The following SYNE1 variants were observed in gnomAD, a reference collection of about 807,000 sequenced individuals.
The protein encoded by SYNE1 is nesprin-1.
A neutral mutation model predicts 1,111.0 loss-of-function variants in SYNE1; 616 were observed. The ratio of observed to expected loss-of-function variants is 0.55; its 90% CI spans 0.52 to 0.59. The LOEUF is 0.59. Among genes scored for constraint, SYNE1 ranks in the 20% least tolerant of loss-of-function variants. SYNE1 has a pLI of 0.00. For synonymous variants in SYNE1, 3,855 were observed against 3,825.8 expected (o/e 1.01, Z -0.28); for missense variants, 10,006 against 10,417.0 (o/e 0.96, Z 1.72).
intron 59 of SYNE1, among the ~76,000 whole-genome samples, chr6:152,372,780 G>A (rs2097211035): frequency 6.6e-6 from 1 of 152,220 alleles, no homozygotes. Context: ...AAAACTGGCT[G>A]TTCCTGCTGG....
intron 128 of SYNE1, among the ~76,000 whole-genome samples, chr6:152,183,143 G>T (rs902365251): frequency 6.6e-6 from 1 of 152,140 alleles, no homozygotes; most frequent in Non-Finnish European, 1.5e-5. Flanking sequence ...TGAGAGCCGC[G>T]TGCACTCTGA....
rs1172720773 is a variant in SYNE1, at chr6:152,450,760, T to C, written c.3260A>G (p.Lys1087Arg). ...CCTTACTGGGTCCCGCACTGGGAGT[T>C]TCACACAGAGTTCCTCGATGAGCTG... is the stretch of plus-strand genomic sequence containing the variant. Reference protein sequence around the residue: ...RLQLIEELCVKLPVRDPVRDT... With the variant: ...RLQLIEELCVRLPVRDPVRDT... Residue 1087 changes from lysine (K) to arginine (R), a missense_variant, in exon 27 of 146, where the codon AAA becomes AGA. Transcript: ENST00000367255. 1 of 1,613,978 alleles carries C rather than the reference T, an allele frequency of 6.2e-7. No individual in the cohort carries two copies. The highest frequency in any genetic ancestry group is 1.3e-5 in the African/African-American group (1 of 74,904).
intron 3 of SYNE1, among the ~76,000 whole-genome samples, chr6:152,557,495 G>C (rs886268345): frequency 6.6e-6 from 1 of 152,002 alleles, no homozygotes; most frequent in African/African-American, 2.4e-5. Flanking sequence ...TAAACATAAA[G>C]AGATCTTCAC....
chr6:152,301,014 A>G (rs1317381693), intron 92 of SYNE1, among the ~76,000 whole-genome samples: 1 of 152,198 alleles, frequency 6.6e-6, no homozygotes, highest in Non-Finnish European at 1.5e-5. Context: ...ATGACATTGA[A>G]GTTTTGTTGT....
At position 152,330,333 on chromosome 6, in the gene SYNE1, C is replaced by T. The variant is rs2096215953; in HGVS notation, c.14352G>A (p.Glu4784=). ...EDTTSAYQEH[E]KMCQQLERQL... ...GTCTCTCCAGCTGTTGGCACATCTTCTCGTGTTCTTGGTAAGCACTGGTGG... is the reference window on the plus strand; with the variant it reads ...GTCTCTCCAGCTGTTGGCACATCTTTTCGTGTTCTTGGTAAGCACTGGTGG... The change falls in exon 78 of 146, where the codon GAG becomes GAA. Residue 4784 remains glutamate, a synonymous_variant. Coordinates refer to ENST00000367255, the MANE Select transcript of SYNE1 (RefSeq NM_182961.4). The T allele has an allele frequency of 6.2e-7, 1 of 1,614,198 alleles. No homozygotes were observed. The highest frequency in any genetic ancestry group is 8.5e-7 in the Non-Finnish European group (1 of 1,180,040).
intron 128 of SYNE1, among the ~76,000 whole-genome samples, chr6:152,183,397 T>C (rs2068698642): frequency 6.6e-6 from 1 of 151,638 alleles, no homozygotes; most frequent in Non-Finnish European, 1.5e-5. Context: ...TGGGCAGAGT[T>C]CAAGACCAGC....
intron 62 of SYNE1, 133 bp downstream of exon 62, chr6:152,367,085 C>A: frequency 9.1e-7 from 1 of 1,100,712 alleles, no homozygotes; most frequent in East Asian, 2.4e-5. Context: ...AGGCAGACAG[C>A]GTTGCACTCA....
rs730880219 is a variant in SYNE1 at position 152,329,788 on chromosome 6, CTG to C, written c.14895_14896del (p.His4965GlnfsTer4). The stretch of plus-strand genomic sequence containing the variant: ...ATCCAGCTCTGAGAGCTCAGCGAGG[CTG>C]TGTTCTAAATCCGCAGAAATCAGCT... On this transcript the variant is annotated frameshift_variant, in exon 78 of 146. Coordinates refer to ENST00000367255, the MANE Select transcript of SYNE1 (RefSeq NM_182961.4). LOFTEE classifies it high-confidence loss of function. 6.2e-7 allele frequency: 1 copy of C among 1,614,208 alleles called. No individual in the cohort carries two copies. Among genetic ancestry groups the C allele is most frequent in the Non-Finnish European group, 8.5e-7 (1 of 1,180,026 alleles).
chr6:152,199,890 G>A (rs1014214791), intron 127 of SYNE1, among the ~76,000 whole-genome samples: 4 of 152,220 alleles, frequency 2.6e-5, no homozygotes, highest in African/African-American at 4.8e-5. Flanking sequence ...CAATAGCAGC[G>A]TGTGTTTGTA....
intron 42 of SYNE1, among the ~76,000 whole-genome samples, chr6:152,412,507 T>C (rs2098079882): frequency 6.6e-6 from 1 of 152,048 alleles, no homozygotes; most frequent in South Asian, 2.1e-4. Context: ...GGTCACATTC[T>C]ATGTGATTTT....
At chr6:152,552,080 T>C (rs1445924436) in intron 3 of SYNE1, among the ~76,000 whole-genome samples, 1 of 152,218 alleles carries the variant, frequency 6.6e-6, no homozygotes, top group African/African-American at 2.4e-5. Context: ...GAAACTGTAT[T>C]CCAATACCAA....
At chr6:152,336,114 GT>G (rs2096382819) in intron 76 of SYNE1, 1 of 152,570 alleles carries the variant, frequency 6.6e-6, no homozygotes, top group Non-Finnish European at 1.5e-5. Context: ...TAAGCTTACA[GT>G]CCTACAGTTT....
intron 91 of SYNE1, 56 bp downstream of exon 91, chr6:152,308,433 T>C: frequency 6.2e-7 from 1 of 1,611,892 alleles, no homozygotes; most frequent in Non-Finnish European, 8.5e-7. Context: ...AAACCAAACA[T>C]ATACTCTAAT....
intron 100 of SYNE1, among the ~76,000 whole-genome samples, chr6:152,266,935 GT>G (rs926275830): frequency 2.0e-4 from 30 of 150,794 alleles, no homozygotes; most frequent in Non-Finnish European, 2.1e-4. Flanking sequence ...TCTCTAAAAT[GT>G]TTTTTTTATT....
At chr6:152,279,276 A>C (rs60325897) in intron 97 of SYNE1, among the ~76,000 whole-genome samples, 27,338 of 149,964 alleles carry the variant, frequency 0.18, 3,031 homozygotes, top group East Asian at 0.46. Flanking sequence ...AAAAAAAAAA[A>C]CAAAAAAAAG....
intron 3 of SYNE1, among the ~76,000 whole-genome samples, chr6:152,558,094 T>C (rs1444602394): frequency 1.3e-5 from 2 of 152,160 alleles, no homozygotes. Flanking sequence ...GTGTAGTTTT[T>C]GTTTGCAGTC....
chr6:152,174,726 T>C (rs2065972009), intron 130 of SYNE1, among the ~76,000 whole-genome samples: 1 of 152,194 alleles, frequency 6.6e-6, no homozygotes. Context: ...TGCGTGATGA[T>C]GGACAAGCCT....
chr6:152,401,024 T>G, intron 47 of SYNE1, 114 bp downstream of exon 47: 1 of 1,001,890 alleles, frequency 1.0e-6, no homozygotes, highest in South Asian at 1.4e-5. Flanking sequence ...TAAGTTGGTC[T>G]GGTGTTCATA....
At chr6:152,162,877 C>A (rs1444224755) in intron 131 of SYNE1, among the ~76,000 whole-genome samples, 1 of 151,712 alleles carries the variant, frequency 6.6e-6, no homozygotes, top group Non-Finnish European at 1.5e-5. Context: ...ACTATATATT[C>A]ATTAGAAAGA....
Sources: allele counts gnomAD v4.1 joint callset (sites outside exome capture counted in the v4.1 genomes callset), GRCh38; gene constraint gnomAD v4.1.1; transcripts MANE v1.5; gene names NCBI Gene and HGNC (gene_info 2026-07-23, HGNC 2026-07-21).